FSTL5: variants seen among roughly 807,000 people sequenced by gnomAD.
FSTL5 encodes follistatin-related protein 5.
In FSTL5, 62 loss-of-function variants were observed where a neutral mutation model predicts 89.1. That is an observed-to-expected ratio of 0.70 (90% CI 0.57 to 0.86). The LOEUF is 0.86. Among genes scored for constraint, FSTL5 ranks in the 40% least tolerant of loss-of-function variants. The pLI, the probability that FSTL5 is intolerant of heterozygous loss-of-function variation, is 0.00. For missense variants in FSTL5, 1,057 were observed against 1,001.6 expected (o/e 1.06, Z -0.75); for synonymous variants, 383 against 346.2 (o/e 1.11, Z -1.18).
chr4:162,055,001 G>A (rs999447031), intron 2 of FSTL5, among the ~76,000 whole-genome samples: 1 of 151,830 alleles, frequency 6.6e-6, no homozygotes, highest in Non-Finnish European at 1.5e-5. Context: ...TGTGACAAAT[G>A]GTGCTGTCAA....
intron 3 of FSTL5, among the ~76,000 whole-genome samples, chr4:161,983,947 C>A (rs1284241186): frequency 2.0e-5 from 3 of 151,970 alleles, no homozygotes; most frequent in African/African-American, 7.2e-5. Flanking sequence ...ATGAAATACA[C>A]AATATCGGTA....
At chr4:161,571,984 T>A (rs370057135) in intron 8 of FSTL5, among the ~76,000 whole-genome samples, 25 of 152,212 alleles carry the variant, frequency 1.6e-4, no homozygotes, top group African/African-American at 6.0e-4. Context: ...TCTTCTTTTT[T>A]AAATACACAA....
At chr4:161,546,103 C>T (rs1340000538) in intron 8 of FSTL5, among the ~76,000 whole-genome samples, 1 of 151,228 alleles carries the variant, frequency 6.6e-6, no homozygotes, top group African/African-American at 2.4e-5. Context: ...AAATTATAAA[C>T]TCAATCTTTG....
intron 4 of FSTL5, among the ~76,000 whole-genome samples, chr4:161,818,631 C>A (rs896877620): frequency 6.6e-6 from 1 of 152,160 alleles, no homozygotes; most frequent in African/African-American, 2.4e-5. Flanking sequence ...GAGCCACACC[C>A]CCATTGCACG....
intron 12 of FSTL5, 149 bp downstream of exon 12, chr4:161,499,867 T>A: frequency 1.7e-6 from 1 of 594,044 alleles, no homozygotes; most frequent in Non-Finnish European, 3.0e-6. Context: ...ATATAAAACC[T>A]AAAAAGAATA....
At chr4:161,828,638 T>A (rs1037828988) in intron 4 of FSTL5, among the ~76,000 whole-genome samples, 8 of 152,152 alleles carry the variant, frequency 5.3e-5, no homozygotes, top group African/African-American at 1.7e-4. Context: ...ATCTGTGAAT[T>A]CTTCTACTAG....
chr4:162,084,789 G>A (rs1730243707), intron 2 of FSTL5, among the ~76,000 whole-genome samples: 1 of 152,026 alleles, frequency 6.6e-6, no homozygotes, highest in Admixed American at 6.6e-5. Flanking sequence ...ATGTGGCTAG[G>A]GGAGGGATAG....
At chr4:161,900,290 C>T (rs1579179463) in intron 4 of FSTL5, among the ~76,000 whole-genome samples, 2 of 152,134 alleles carry the variant, frequency 1.3e-5, no homozygotes, top group East Asian at 1.9e-4. Flanking sequence ...AGCAGAAAAA[C>T]TAATACAGTG....
intron 4 of FSTL5, among the ~76,000 whole-genome samples, chr4:161,778,091 A>ATC (rs1741484109): frequency 1.4e-5 from 1 of 71,516 alleles, no homozygotes; most frequent in South Asian, 4.9e-4. Context: ...GAGACTCCGT[A>ATC]TCACACACAC....
chr4:161,561,689 T>C (rs1345704339), intron 8 of FSTL5, among the ~76,000 whole-genome samples: 3 of 152,018 alleles, frequency 2.0e-5, no homozygotes, highest in South Asian at 2.1e-4. Context: ...TTTTCATTAG[T>C]GTGAAGAAAA....
At chr4:162,027,152 C>A (rs781545388) in intron 3 of FSTL5, among the ~76,000 whole-genome samples, 1 of 152,064 alleles carries the variant, frequency 6.6e-6, no homozygotes, top group African/African-American at 2.4e-5. Context: ...ATGTTCTTCT[C>A]CCTGCTTCCT....
intron 7 of FSTL5, among the ~76,000 whole-genome samples, chr4:161,636,692 T>A (rs1735728491): frequency 6.8e-6 from 1 of 146,680 alleles, no homozygotes; most frequent in Non-Finnish European, 1.5e-5. Flanking sequence ...AATTCCCACC[T>A]ATGAGTGAGA....
At chr4:161,948,941 T>C (rs1468361275) in intron 3 of FSTL5, among the ~76,000 whole-genome samples, 1 of 152,148 alleles carries the variant, frequency 6.6e-6, no homozygotes, top group East Asian at 1.9e-4. Flanking sequence ...CTGTGACAAA[T>C]TACCACAAAT....
At chr4:161,963,305 T>A (rs952313422) in intron 3 of FSTL5, among the ~76,000 whole-genome samples, 3 of 151,952 alleles carry the variant, frequency 2.0e-5, no homozygotes, top group African/African-American at 7.2e-5. Context: ...CCTCACATAT[T>A]GTATATAGTT....
chr4:161,615,143 A>T (rs1734802598), intron 7 of FSTL5, among the ~76,000 whole-genome samples: 1 of 151,672 alleles, frequency 6.6e-6, no homozygotes, highest in Non-Finnish European at 1.5e-5. Flanking sequence ...AAATACAAAA[A>T]ATTAGCCGGG....
intron 4 of FSTL5, among the ~76,000 whole-genome samples, chr4:161,864,666 T>C (rs1379463232): frequency 6.6e-6 from 1 of 151,946 alleles, no homozygotes; most frequent in Non-Finnish European, 1.5e-5. Flanking sequence ...GGTCAAGAGA[T>C]TGAGACCATC....
intron 8 of FSTL5, chr4:161,552,574 T>A (rs906231279): frequency 6.6e-6 from 1 of 151,780 alleles, no homozygotes; most frequent in African/African-American, 2.4e-5. Context: ...ACTTTATTGA[T>A]GTACTTATGA....
intron 3 of FSTL5, among the ~76,000 whole-genome samples, chr4:162,015,322 C>T (rs1736886131): frequency 6.6e-6 from 1 of 152,134 alleles, no homozygotes; most frequent in Non-Finnish European, 1.5e-5. Flanking sequence ...CTTATCATTC[C>T]AGATCTGCTT....
At chr4:161,438,693 A>G (rs1305111075) in intron 15 of FSTL5, among the ~76,000 whole-genome samples, 1 of 152,228 alleles carries the variant, frequency 6.6e-6, no homozygotes, top group Admixed American at 6.5e-5. Flanking sequence ...CTGTACAAGG[A>G]TTCAAAATTA....
Sources: gnomAD v4.1 joint callset for allele counts (sites outside exome capture counted in the v4.1 genomes callset) on GRCh38, gnomAD v4.1.1 for gene constraint, MANE v1.5 for transcripts, NCBI Gene and HGNC (gene_info 2026-07-23, HGNC 2026-07-21) for gene names.